The following PDSS2 variants were observed in gnomAD, a reference collection of about 807,000 sequenced individuals.
The protein encoded by PDSS2 is decaprenyl diphosphate synthase subunit 2, also known as all trans-polyprenyl-diphosphate synthase PDSS2.
PDSS2 carries 31 observed loss-of-function variants against 44.5 expected under a neutral mutation model. The observed-to-expected ratio is 0.70, with a 90% CI of 0.52 to 0.94. The LOEUF (loss-of-function observed/expected upper bound fraction) is 0.94. Ranked by LOEUF, PDSS2 falls within the 40% of genes least tolerant of loss-of-function variation. The pLI is 0.00. For missense variants in PDSS2, 452 were observed against 482.2 expected (o/e 0.94, Z 0.59); for synonymous variants, 157 against 180.3 (o/e 0.87, Z 1.03).
chr6:107,444,689 A>G (rs1291349583), intron 1 of PDSS2, among the ~76,000 whole-genome samples: 1 of 152,220 alleles, frequency 6.6e-6, no homozygotes, highest in Non-Finnish European at 1.5e-5. Context: ...CATGGAAGAG[A>G]CTAAAATTAA....
At chr6:107,417,816 T>C (rs563808516) in intron 1 of PDSS2, among the ~76,000 whole-genome samples, 33 of 144,122 alleles carry the variant, frequency 2.3e-4, no homozygotes, top group African/African-American at 5.4e-4. Context: ...CACACACACA[T>C]ATATACACCT....
At chr6:107,262,787 A>G (rs1311557987) in intron 3 of PDSS2, among the ~76,000 whole-genome samples, 1 of 151,942 alleles carries the variant, frequency 6.6e-6, no homozygotes, top group Non-Finnish European at 1.5e-5. Context: ...AAAAAGAAAA[A>G]AAAAGGAAAC....
chr6:107,212,854 AAT>A (rs1177691492), intron 4 of PDSS2, among the ~76,000 whole-genome samples: 81 of 130,846 alleles, frequency 6.2e-4, no homozygotes, highest in African/African-American at 2.2e-3. Flanking sequence ...AAAAAAAAAA[AAT>A]AGCTAGGCAA....
At chr6:107,157,295 C>G (rs375075861) in intron 7 of PDSS2, among the ~76,000 whole-genome samples, 1 of 137,850 alleles carries the variant, frequency 7.3e-6, no homozygotes, top group Non-Finnish European at 1.7e-5. Flanking sequence ...AGTGATCTTT[C>G]CACCTCAGCC....
rs578135270 is a variant in PDSS2 at position 107,388,193 on chromosome 6, A to C, written c.297-53861T>G. Among the ~76,000 whole-genome samples the C allele has an allele frequency of 1.4e-3, 210 of 152,330 alleles. 3 individuals are homozygous for C. Among genetic ancestry groups the C allele is most frequent in the African/African-American group, 4.8e-3 (198 of 41,574 alleles). Reference sequence around the variant, plus strand: ...CAATATGTATACTTAGTAGAGCATAAGTTTATTATCCAGCCCAGGACACTA... The same window carrying C: ...CAATATGTATACTTAGTAGAGCATACGTTTATTATCCAGCCCAGGACACTA... On this transcript the variant is annotated intron_variant, in intron 1 of 7. Transcript: ENST00000369037.
chr6:107,344,869 T>C (rs1778192265), intron 1 of PDSS2, among the ~76,000 whole-genome samples: 1 of 152,080 alleles, frequency 6.6e-6, no homozygotes, highest in Admixed American at 6.6e-5. Flanking sequence ...ACAACAAAGA[T>C]TTCCCCACTG....
chr6:107,282,103 G>A lies in PDSS2; in HGVS notation c.432-7876C>T, dbSNP rs190067919. Among the ~76,000 whole-genome samples, 773 of 151,984 alleles carry A rather than the reference G, an allele frequency of 5.1e-3. 1 individual carries two copies. The highest frequency in any genetic ancestry group is 7.1e-3 in the Non-Finnish European group (481 of 67,966). On this transcript the variant is annotated intron_variant, in intron 2 of 7. Coordinates refer to ENST00000369037, the MANE Select transcript of PDSS2 (RefSeq NM_020381.4). The stretch of plus-strand genomic sequence containing the variant: ...GTATTTTTAGTAGAGATGGGGTTTC[G>A]CCATGTTGGCCAGGCTGGTCTCGAA...
intron 3 of PDSS2, among the ~76,000 whole-genome samples, chr6:107,269,784 A>T (rs991540420): frequency 6.6e-6 from 1 of 152,040 alleles, no homozygotes; most frequent in Non-Finnish European, 1.5e-5. Context: ...CTTGTGCCTC[A>T]GACTCCTGAG....
intron 4 of PDSS2, among the ~76,000 whole-genome samples, 197 bp from the exon 5 acceptor site, chr6:107,212,479 A>G (rs1773254952): frequency 6.6e-6 from 1 of 152,180 alleles, no homozygotes; most frequent in Non-Finnish European, 1.5e-5. Flanking sequence ...TTATGGTAAT[A>G]GGGGGAAAGT....
intron 1 of PDSS2, among the ~76,000 whole-genome samples, chr6:107,335,919 T>A (rs1338680268): frequency 6.7e-5 from 10 of 149,612 alleles, no homozygotes. Context: ...AAGAATCAAT[T>A]TAAGTTAATT....
chr6:107,249,254 G>A (rs540591709), intron 3 of PDSS2, among the ~76,000 whole-genome samples: 7 of 152,138 alleles, frequency 4.6e-5, no homozygotes, highest in African/African-American at 1.2e-4. Flanking sequence ...CCCTATTACC[G>A]TGCTATATTC....
chr6:107,296,082 C>G (rs1776499332), intron 2 of PDSS2, among the ~76,000 whole-genome samples: 1 of 152,128 alleles, frequency 6.6e-6, no homozygotes, highest in Non-Finnish European at 1.5e-5. Context: ...CAGTAATGTT[C>G]CAAATGGAGG....
chr6:107,201,303 G>C (rs1012077359), intron 6 of PDSS2, among the ~76,000 whole-genome samples: 7 of 143,564 alleles, frequency 4.9e-5, no homozygotes, highest in African/African-American at 1.8e-4. Context: ...TGTGAAAATA[G>C]ACAAGATAGT....
intron 2 of PDSS2, among the ~76,000 whole-genome samples, chr6:107,327,643 G>C (rs1172388983): frequency 1.3e-5 from 2 of 152,120 alleles, no homozygotes; most frequent in African/African-American, 4.8e-5. Flanking sequence ...ATTTTTAGTA[G>C]AGACAGGGTT....
intron 4 of PDSS2, among the ~76,000 whole-genome samples, chr6:107,222,275 C>G (rs996597252): frequency 1.3e-5 from 2 of 152,146 alleles, no homozygotes; most frequent in Non-Finnish European, 2.9e-5. Flanking sequence ...AATCTAATAT[C>G]TCCTGGGAGC....
chr6:107,274,095 A>T lies in PDSS2; in HGVS notation c.564T>A (p.Ala188=), dbSNP rs1297420851. 1 of 1,613,968 alleles carries T rather than the reference A, an allele frequency of 6.2e-7. No individual in the cohort carries two copies. Among genetic ancestry groups the T allele is most frequent in the South Asian group, 1.1e-5 (1 of 91,074 alleles). The change falls in exon 3 of 8, where the codon GCT becomes GCA. Residue 188 remains alanine, a synonymous_variant. Transcript: ENST00000369037. The part of the protein sequence containing the change: ...LKDMQFGNKI[A]ILSGDFLLAN... ...CTAGAAGAAAGTCTCCACTCAGGATAGCAATTTTATTTCCAAATTGCATGT... is the reference window on the plus strand; with the variant it reads ...CTAGAAGAAAGTCTCCACTCAGGATTGCAATTTTATTTCCAAATTGCATGT...
At chr6:107,439,831 G>A (rs972290337) in intron 1 of PDSS2, among the ~76,000 whole-genome samples, 10 of 152,070 alleles carry the variant, frequency 6.6e-5, no homozygotes, top group African/African-American at 2.4e-4. Flanking sequence ...AGGTAGTTTG[G>A]GAAAGGAATA....
chr6:107,447,151 G>C (rs1380183568), intron 1 of PDSS2, among the ~76,000 whole-genome samples: 1 of 152,000 alleles, frequency 6.6e-6, no homozygotes, highest in Non-Finnish European at 1.5e-5. Flanking sequence ...GGCTAACACG[G>C]TGAAACCCCA....
At chr6:107,411,813 G>T (rs1455315533) in intron 1 of PDSS2, among the ~76,000 whole-genome samples, 1 of 151,590 alleles carries the variant, frequency 6.6e-6, no homozygotes, top group Non-Finnish European at 1.5e-5. Flanking sequence ...GTTAGTATTG[G>T]GGGGTGGGGG....
Sources: gnomAD v4.1 joint callset for allele counts (sites outside exome capture counted in the v4.1 genomes callset) on GRCh38, gnomAD v4.1.1 for gene constraint, MANE v1.5 for transcripts, NCBI Gene and HGNC (gene_info 2026-07-23, HGNC 2026-07-21) for gene names.